The following RPGR variants were observed in gnomAD, a reference collection of about 807,000 sequenced individuals.
RPGR encodes the protein X-linked retinitis pigmentosa GTPase regulator.
Under a neutral mutation model 56.3 loss-of-function variants are expected in RPGR, and 10 were observed. That is an observed-to-expected ratio of 0.18 (90% CI 0.11 to 0.30). RPGR has a LOEUF of 0.30. Among genes scored for constraint, RPGR ranks in the 10% least tolerant of loss-of-function variants. The probability of loss-of-function intolerance (pLI) is 1.00; values close to 1 mark genes in which losing one functional copy is unlikely to be tolerated. For missense variants in RPGR, 538 were observed against 590.9 expected (o/e 0.91, Z 0.93); for synonymous variants, 197 against 212.9 (o/e 0.93, Z 0.65).
intron 13 of RPGR, among the ~76,000 whole-genome samples, chrX:38,289,548 T>A (rs1414779723): frequency 8.9e-6 from 1 of 112,377 alleles, no homozygotes; most frequent in African/African-American, 3.2e-5. Context: ...AAAACCTCAC[T>A]AATTCAAATT....
intron 7 of RPGR, among the ~76,000 whole-genome samples, chrX:38,307,354 T>A (rs1192224252): frequency 8.9e-6 from 1 of 112,524 alleles, no homozygotes; most frequent in Non-Finnish European, 1.9e-5. Flanking sequence ...AGTTTTATTT[T>A]CTAATCTATC....
Position 38,288,024 on chromosome X carries a change from C to T in RPGR, c.1590G>A (p.Gly530=), listed in dbSNP as rs375288851. The T allele has an allele frequency of 7.4e-6, 9 of 1,209,046 alleles. No homozygotes were observed. The highest frequency in any genetic ancestry group is 1.0e-5 in the Non-Finnish European group (9 of 893,485). ...TAAGAGCTGTATCCTGCGTCAGTTC[C>T]CCAATTGTTTGTTGTTTCTGTAAAT... Residue 530 remains glycine, a synonymous_variant, in exon 14 of 19, where the codon GGG becomes GGA. Coordinates refer to ENST00000642395, the MANE Select transcript of RPGR (RefSeq NM_000328.3).
In RPGR at chrX:38,319,024, G is replaced by A. The variant is rs767529849; in HGVS notation, c.311-37C>T. ...AAAGAAAACGTCAATAGACTATAGA[G>A]TCCCCCTTTTTATGAGACAGGTCAG... On this transcript the variant is annotated intron_variant, in intron 4 of 18. Coordinates refer to ENST00000642395, the MANE Select transcript of RPGR (RefSeq NM_000328.3). The A allele has an allele frequency of 5.9e-6, 7 of 1,193,943 alleles. No homozygotes were observed. In the East Asian group the frequency reaches 2.1e-4, roughly 35 times the overall value.
chrX:38,309,965 A>G (rs1353970188), intron 7 of RPGR, among the ~76,000 whole-genome samples: 1 of 111,522 alleles, frequency 9.0e-6, no homozygotes, highest in Non-Finnish European at 1.9e-5. Context: ...AAGGGTGAGA[A>G]TCTTTTTTTT....
intron 7 of RPGR, chrX:38,308,352 AG>A (rs2067644764): frequency 8.9e-6 from 1 of 112,422 alleles, no homozygotes; most frequent in Admixed American, 9.5e-5. Flanking sequence ...CAAAGTCCAC[AG>A]AAAGTTAAAT....
chrX:38,296,410 G>C (rs1196490362), intron 11 of RPGR, among the ~76,000 whole-genome samples: 1 of 111,705 alleles, frequency 9.0e-6, no homozygotes, highest in Non-Finnish European at 1.9e-5. Flanking sequence ...TTAATTAAGA[G>C]AGAATATTCC....
In RPGR at chrX:38,290,951, T is replaced by A; in HGVS notation, c.1572+8A>T. Reference sequence around the variant, plus strand: ...CAACAATAACGAAAATAAATCTTCATATTATACCTTTTGTTTCTGAACTGG... The same window carrying A: ...CAACAATAACGAAAATAAATCTTCAAATTATACCTTTTGTTTCTGAACTGG... On this transcript the variant is annotated splice_region_variant and intron_variant, in intron 13 of 18. Coordinates refer to ENST00000642395, the MANE Select transcript of RPGR (RefSeq NM_000328.3). 1.0e-6 allele frequency: 1 copy of A among 967,619 alleles called. No individual in the cohort carries two copies. Among genetic ancestry groups the A allele is most frequent in the Non-Finnish European group, 1.4e-6 (1 of 693,335 alleles). The allele number at this position is 967,619 out of a possible 1,213,427, so 79.7% of individuals were successfully genotyped here.
chrX:38,276,812 T>C (rs373715235), intron 15 of RPGR: 3 of 1,109,019 alleles, frequency 2.7e-6, no homozygotes, highest in Non-Finnish European at 2.5e-6. Context: ...TAAGATTTTC[T>C]TGTTAAAAAA....
In RPGR at chrX:38,299,004, T is replaced by C; in HGVS notation, c.1197A>G (p.Gly399=). Residue 399 remains glycine (G), a synonymous_variant, in exon 10 of 19, where the codon GGA becomes GGG. Coordinates refer to ENST00000642395, the MANE Select transcript of RPGR (RefSeq NM_000328.3). ...CTGATAGAGTCCTCTGCAGTACATT[T>C]CCTGAGGTTAAACTGCTATACGGCA... 1 of 1,212,070 alleles carries C rather than the reference T, an allele frequency of 8.3e-7. No individual in the cohort carries two copies.
intron 6 of RPGR, among the ~76,000 whole-genome samples, chrX:38,316,899 C>T (rs1390444523): frequency 9.0e-6 from 1 of 111,723 alleles, no homozygotes; most frequent in African/African-American, 3.3e-5. Context: ...AAAATCCCAT[C>T]AATTAGATGG....
chrX:38,327,012 G>C (rs1179266355), intron 1 of RPGR: 1 of 232,093 alleles, frequency 4.3e-6, no homozygotes, highest in African/African-American at 3.0e-5. Flanking sequence ...AGCCGAGATT[G>C]CGCCATTGCA....
In RPGR at chrX:38,327,324, C is replaced by G. The variant is rs1426638246; in HGVS notation, c.28+16G>C. ...CTCCCTCCCGGCCTTCCGCCACCGGCGCGGGCGCAACTCACCGGGCATCAG... is the reference window on the plus strand; with the variant it reads ...CTCCCTCCCGGCCTTCCGCCACCGGGGCGGGCGCAACTCACCGGGCATCAG... On this transcript the variant is annotated intron_variant, in intron 1 of 18. Coordinates refer to ENST00000642395, the MANE Select transcript of RPGR (RefSeq NM_000328.3). 4 of 1,182,201 alleles carry G rather than the reference C, an allele frequency of 3.4e-6. No individual in the cohort carries two copies. The highest frequency in any genetic ancestry group is 4.5e-6 in the Non-Finnish European group (4 of 883,890).
At chrX:38,273,374 C>T (rs1246982522) in intron 18 of RPGR, 5 of 1,157,847 alleles carry the variant, frequency 4.3e-6, no homozygotes, top group Non-Finnish European at 5.9e-6. Flanking sequence ...AAAGACAATT[C>T]ATTTCACTTA....
intron 9 of RPGR, among the ~76,000 whole-genome samples, chrX:38,300,217 T>C (rs1352186988): frequency 2.7e-5 from 3 of 111,957 alleles, no homozygotes; most frequent in Non-Finnish European, 5.6e-5. Context: ...CCCAAAGTGC[T>C]AGGATTACAG....
intron 13 of RPGR, among the ~76,000 whole-genome samples, chrX:38,288,633 A>G (rs371321221): frequency 3.6e-5 from 4 of 111,165 alleles, no homozygotes; most frequent in South Asian, 7.6e-4. Flanking sequence ...TGAACCCGGG[A>G]GGCAGAGGTT....
Position 38,269,340 on chromosome X carries a change from T to G in RPGR, c.*286A>C, listed in dbSNP as rs1263783285. 1.2e-5 allele frequency: 2 copies of G among 168,947 alleles called. No homozygotes were observed. Among genetic ancestry groups the G allele is most frequent in the Non-Finnish European group, 2.2e-5 (2 of 90,864 alleles). 13.9% of individuals were successfully genotyped at this position (168,947 alleles called of 1,213,427 possible). On this transcript the variant is annotated 3_prime_UTR_variant, in exon 19 of 19. Transcript: ENST00000642395. ...TGTTTAGTAAAAACTAGGAAATATC[T>G]TATTTCAATTTTCCACATATAAAAA...
rs35504232 is a variant in RPGR, at chrX:38,321,659, CAAA to C, written c.248-573_248-571del. Among the ~76,000 whole-genome samples the C allele has an allele frequency of 3.2e-5, 3 of 92,638 alleles. No individual in the cohort carries two copies. The East Asian group carries it at 1.0e-3, about 31-fold the overall frequency. 80.4% of individuals were successfully genotyped at this position (92,638 alleles called of 115,157 possible). A position where few individuals can be genotyped will look rare whatever the true frequency, so the allele number is the denominator to read the frequency against. ...TGGGTGACAGAGCAAGACCCTGTCT[CAAA>C]AAAAAAAAAACAACAACTTCACAGG... On this transcript the variant is annotated intron_variant, in intron 3 of 18. Transcript: ENST00000642395.
At chrX:38,288,150 G>T in intron 13 of RPGR, 109 bp from the exon 14 acceptor site, 1 of 704,046 alleles carries the variant, frequency 1.4e-6, no homozygotes, top group African/African-American at 2.1e-5. Context: ...AAGTTTAGGA[G>T]AATCAAAATA....
intron 14 of RPGR, 110 bp downstream of exon 14, chrX:38,287,751 C>T: frequency 2.7e-6 from 2 of 739,976 alleles, no homozygotes; most frequent in African/African-American, 2.1e-5. Flanking sequence ...TTTCTATTTC[C>T]TTAGCATCAA....
Sources: gnomAD v4.1 joint callset for allele counts (sites outside exome capture counted in the v4.1 genomes callset) on GRCh38, gnomAD v4.1.1 for gene constraint, MANE v1.5 for transcripts, NCBI Gene and HGNC (gene_info 2026-07-23, HGNC 2026-07-21) for gene names.